Variants in UNC5D observed in about 807,000 individuals in gnomAD.
The protein encoded by UNC5D is unc-5 netrin receptor D.
A neutral mutation model predicts 105.4 loss-of-function variants in UNC5D; 39 were observed. That is an observed-to-expected ratio of 0.37 (90% CI 0.29 to 0.48). The LOEUF is 0.48. Ranked by LOEUF, UNC5D falls within the 20% of genes least tolerant of loss-of-function variation. The probability of loss-of-function intolerance (pLI) is 0.98; values close to 1 mark genes in which losing one functional copy is unlikely to be tolerated. For synonymous variants in UNC5D, 452 were observed against 450.4 expected, an observed-to-expected ratio of 1.00 and a Z score of -0.04; for missense variants, 991 against 1,202.4, an observed-to-expected ratio of 0.82 and a Z score of 2.60.
chr8:35,625,964 T>A (rs1821677858), intron 4 of UNC5D, among the ~76,000 whole-genome samples: 1 of 152,236 alleles, frequency 6.6e-6, no homozygotes, highest in Non-Finnish European at 1.5e-5. Context: ...CCCATGAAGC[T>A]GGAGTGAGAA....
At chr8:35,484,374 CTT>C (rs1810693266) in intron 1 of UNC5D, among the ~76,000 whole-genome samples, 1 of 152,176 alleles carries the variant, frequency 6.6e-6, no homozygotes, top group Non-Finnish European at 1.5e-5. Context: ...CTCATTTTCT[CTT>C]TTGCTCACCC....
intron 4 of UNC5D, among the ~76,000 whole-genome samples, chr8:35,631,130 C>T (rs538351992): frequency 9.2e-5 from 14 of 152,130 alleles, no homozygotes; most frequent in Non-Finnish European, 1.8e-4. Flanking sequence ...CTGGGCAACA[C>T]GGTGAAACCC....
rs913599286 is a variant in UNC5D, at chr8:35,510,326, A to C, written c.104-38966A>C. On this transcript the variant is annotated intron_variant, in intron 1 of 16. Transcript: ENST00000404895. ...TTTTATATCCAAAAAAAAAAAAAAAAAAAAAACACTTTGGAGATTCCCAGG... is the reference window on the plus strand; with the variant it reads ...TTTTATATCCAAAAAAAAAAAAAAACAAAAAACACTTTGGAGATTCCCAGG... Among the ~76,000 whole-genome samples the C allele has an allele frequency of 5.3e-5, 8 of 151,486 alleles. No homozygotes were observed. The South Asian group carries it at 1.5e-3, about 28-fold the overall frequency.
chr8:35,770,244 G>A (rs1801951075), intron 15 of UNC5D, among the ~76,000 whole-genome samples: 1 of 152,056 alleles, frequency 6.6e-6, no homozygotes, highest in Non-Finnish European at 1.5e-5. Context: ...CAAGATTTAA[G>A]ATGTATAAAA....
At chr8:35,670,238 G>T (rs565288617) in intron 4 of UNC5D, among the ~76,000 whole-genome samples, 1 of 152,242 alleles carries the variant, frequency 6.6e-6, no homozygotes, top group Non-Finnish European at 1.5e-5. Context: ...AATCCTTAAT[G>T]ACCTTAGCAA....
intron 1 of UNC5D, among the ~76,000 whole-genome samples, chr8:35,428,953 T>C (rs918115172): frequency 2.0e-5 from 3 of 152,124 alleles, no homozygotes; most frequent in African/African-American, 7.2e-5. Flanking sequence ...ATATGTTAAT[T>C]GATTCGTCAT....
At chr8:35,382,461 C>G (rs1803099175) in intron 1 of UNC5D, among the ~76,000 whole-genome samples, 1 of 152,076 alleles carries the variant, frequency 6.6e-6, no homozygotes, top group South Asian at 2.1e-4. Flanking sequence ...ACAGAGATGC[C>G]CCTTATTTTT....
At chr8:35,456,057 G>A (rs185549191) in intron 1 of UNC5D, among the ~76,000 whole-genome samples, 31 of 152,260 alleles carry the variant, frequency 2.0e-4, no homozygotes, top group Admixed American at 1.9e-3. Context: ...TAGCAGTTAA[G>A]TTAGACCTAC....
intron 7 of UNC5D, among the ~76,000 whole-genome samples, chr8:35,693,993 C>T (rs902747932): frequency 3.3e-5 from 5 of 151,572 alleles, no homozygotes; most frequent in African/African-American, 9.7e-5. Flanking sequence ...ACTTAGAGAG[C>T]GAGGAAAAAA....
intron 1 of UNC5D, among the ~76,000 whole-genome samples, chr8:35,469,145 G>A (rs1257233850): frequency 6.6e-6 from 1 of 152,088 alleles, no homozygotes; most frequent in Non-Finnish European, 1.5e-5. Context: ...TTTTATGAAC[G>A]GCATTCATTT....
chr8:35,558,268 A>G (rs1259656025), intron 2 of UNC5D, among the ~76,000 whole-genome samples: 1 of 152,132 alleles, frequency 6.6e-6, no homozygotes, highest in Non-Finnish European at 1.5e-5. Context: ...TTGTCTTTCC[A>G]GCAAAACATG....
At chr8:35,549,694 C>T (rs910298515) in intron 2 of UNC5D, among the ~76,000 whole-genome samples, 184 bp downstream of exon 2, 1 of 152,170 alleles carries the variant, frequency 6.6e-6, no homozygotes, top group South Asian at 2.1e-4. Context: ...CCTTGGTAGT[C>T]CCTTCCGATA....
At chr8:35,637,996 G>A (rs553556312) in intron 4 of UNC5D, among the ~76,000 whole-genome samples, 3 of 152,228 alleles carry the variant, frequency 2.0e-5, no homozygotes, top group African/African-American at 7.2e-5. Context: ...ATCTTAAGAA[G>A]GATGGCAAGG....
intron 3 of UNC5D, among the ~76,000 whole-genome samples, chr8:35,582,424 T>C (rs1563557795): frequency 1.3e-5 from 2 of 152,232 alleles, no homozygotes; most frequent in Non-Finnish European, 2.9e-5. Flanking sequence ...TGAAAAACTT[T>C]GAGCGAAAGT....
intron 1 of UNC5D, among the ~76,000 whole-genome samples, chr8:35,312,680 C>T (rs1808985200): frequency 6.6e-6 from 1 of 152,060 alleles, no homozygotes; most frequent in Non-Finnish European, 1.5e-5. Flanking sequence ...TTTAGGAACC[C>T]CAGTGACACC....
At chr8:35,336,334 A>T (rs1585614334) in intron 1 of UNC5D, among the ~76,000 whole-genome samples, 1 of 152,144 alleles carries the variant, frequency 6.6e-6, no homozygotes. Flanking sequence ...CTGGCTCAAA[A>T]GTTTTATGAT....
intron 1 of UNC5D, among the ~76,000 whole-genome samples, chr8:35,403,711 C>A (rs1302356906): frequency 6.6e-6 from 1 of 152,190 alleles, no homozygotes; most frequent in Non-Finnish European, 1.5e-5. Context: ...TAGGGATGCT[C>A]AACCCATACC....
intron 8 of UNC5D, among the ~76,000 whole-genome samples, chr8:35,712,506 G>T (rs1217868036): frequency 6.6e-6 from 1 of 152,162 alleles, no homozygotes. Flanking sequence ...AGCCCAAAAT[G>T]CATGTGTCTT....
rs539362018 is a variant in UNC5D, at chr8:35,365,887, G to A, written c.103+130000G>A. On this transcript the variant is annotated intron_variant, in intron 1 of 16. Coordinates refer to ENST00000404895, the MANE Select transcript of UNC5D (RefSeq NM_080872.4). ...TAAGGCAGAAGCCCTGACTTGAAAG[G>A]TTTCACCTGTGGTTTACATTAACTA... Among the ~76,000 whole-genome samples the A allele has an allele frequency of 2.3e-4, 35 of 152,256 alleles. 1 individual carries two copies. The highest frequency in any genetic ancestry group is 4.6e-4 in the Non-Finnish European group (31 of 68,016).
Sources: allele counts gnomAD v4.1 joint callset (sites outside exome capture counted in the v4.1 genomes callset), GRCh38; gene constraint gnomAD v4.1.1; transcripts MANE v1.5; gene names NCBI Gene and HGNC (gene_info 2026-07-23, HGNC 2026-07-21).